The following PTPRO variants were observed in gnomAD, a reference collection of about 807,000 sequenced individuals.
PTPRO encodes receptor-type tyrosine-protein phosphatase O.
Under a neutral mutation model 145.2 loss-of-function variants are expected in PTPRO, and 62 were observed. The ratio of observed to expected loss-of-function variants is 0.43; its 90% confidence interval spans 0.35 to 0.53. The LOEUF (loss-of-function observed/expected upper bound fraction) is 0.53. PTPRO is among the 20% of genes least tolerant of loss of function. The pLI is 0.01. For synonymous variants in PTPRO, 565 were observed against 514.7 expected (o/e 1.10, Z -1.32); for missense variants, 1,345 against 1,482.7 (o/e 0.91, Z 1.53).
chr12:15,423,968 G>A (rs1940214797), intron 1 of PTPRO, among the ~76,000 whole-genome samples: 1 of 152,162 alleles, frequency 6.6e-6, no homozygotes, highest in Non-Finnish European at 1.5e-5. Flanking sequence ...AGGAGAGTCT[G>A]GTCATCAAAA....
intron 1 of PTPRO, among the ~76,000 whole-genome samples, chr12:15,411,648 T>C (rs1408047116): frequency 6.6e-6 from 1 of 152,240 alleles, no homozygotes; most frequent in Non-Finnish European, 1.5e-5. Context: ...TGAAGCTTCA[T>C]CTCAGATCTT....
intron 24 of PTPRO, among the ~76,000 whole-genome samples, chr12:15,587,927 G>A (rs1944464745): frequency 6.6e-6 from 1 of 152,178 alleles, no homozygotes; most frequent in Non-Finnish European, 1.5e-5. Context: ...CTAGAATGAG[G>A]AAGTATATGT....
intron 1 of PTPRO, among the ~76,000 whole-genome samples, chr12:15,344,232 T>C (rs989023593): frequency 1.3e-5 from 2 of 152,234 alleles, no homozygotes; most frequent in Non-Finnish European, 2.9e-5. Context: ...ACTGGAAATA[T>C]GCCACACTGT....
intron 1 of PTPRO, among the ~76,000 whole-genome samples, chr12:15,354,224 G>A (rs1054459482): frequency 1.3e-5 from 2 of 152,188 alleles, no homozygotes; most frequent in African/African-American, 4.8e-5. Flanking sequence ...TTCTTAAAAT[G>A]AGTCATCCAT....
chr12:15,499,300 A>G (rs1398848916), intron 3 of PTPRO, 142 bp from the exon 4 acceptor site: 2 of 842,680 alleles, frequency 2.4e-6, no homozygotes, highest in Non-Finnish European at 3.8e-6. Context: ...CTAGCCTTCT[A>G]CTAACTCTTT....
At chr12:15,560,893 G>A (rs1420911602) in intron 17 of PTPRO, among the ~76,000 whole-genome samples, 2 of 152,060 alleles carry the variant, frequency 1.3e-5, no homozygotes, top group Non-Finnish European at 2.9e-5. Context: ...CCAAACTCAG[G>A]TCTCTCTGAA....
intron 1 of PTPRO, among the ~76,000 whole-genome samples, chr12:15,361,238 C>T (rs924114708): frequency 2.6e-5 from 4 of 151,470 alleles, no homozygotes; most frequent in African/African-American, 9.7e-5. Context: ...GAGATCAAGA[C>T]CAGCCTGGCC....
At chr12:15,463,593 A>G (rs980632749) in intron 1 of PTPRO, among the ~76,000 whole-genome samples, 4 of 152,198 alleles carry the variant, frequency 2.6e-5, no homozygotes, top group African/African-American at 9.6e-5. Context: ...GATGCAAAAT[A>G]TCAGTCTTAT....
intron 23 of PTPRO, 52 bp downstream of exon 23, chr12:15,581,853 G>A: frequency 6.2e-7 from 1 of 1,611,822 alleles, no homozygotes. Flanking sequence ...CACCTGCTGA[G>A]ACCAGTTTGG....
intron 1 of PTPRO, among the ~76,000 whole-genome samples, chr12:15,468,218 A>T (rs1325703177): frequency 1.3e-5 from 2 of 152,254 alleles, no homozygotes; most frequent in East Asian, 1.9e-4. Context: ...TTCCAATAAA[A>T]CTTTCCACCC....
intron 2 of PTPRO, among the ~76,000 whole-genome samples, chr12:15,493,339 A>T (rs1160124632): frequency 1.3e-5 from 2 of 152,166 alleles, no homozygotes; most frequent in African/African-American, 4.8e-5. Flanking sequence ...GCTCTGAGTT[A>T]AAGAACTGTT....
At chr12:15,469,658 T>C (rs987648597) in intron 1 of PTPRO, among the ~76,000 whole-genome samples, 7 of 151,648 alleles carry the variant, frequency 4.6e-5, no homozygotes, top group African/African-American at 1.7e-4. Flanking sequence ...AAATACTGAC[T>C]GCTCTTGTTC....
chr12:15,376,603 A>T (rs1938695362), intron 1 of PTPRO, among the ~76,000 whole-genome samples: 1 of 152,190 alleles, frequency 6.6e-6, no homozygotes, highest in Non-Finnish European at 1.5e-5. Flanking sequence ...TGGCTTAAAC[A>T]ACAAGTATTT....
intron 1 of PTPRO, among the ~76,000 whole-genome samples, chr12:15,459,560 T>C (rs2136393803): frequency 6.6e-6 from 1 of 152,342 alleles, no homozygotes; most frequent in South Asian, 2.1e-4. Flanking sequence ...TGGTTTTTTG[T>C]TCACTTCAGA....
At chr12:15,427,022 T>C (rs1052188909) in intron 1 of PTPRO, among the ~76,000 whole-genome samples, 1 of 152,052 alleles carries the variant, frequency 6.6e-6, no homozygotes, top group Non-Finnish European at 1.5e-5. Context: ...GCGTAGCAGG[T>C]CAGAAAACTG....
intron 3 of PTPRO, 39 bp from the exon 4 acceptor site, chr12:15,499,403 A>G: frequency 6.3e-7 from 1 of 1,590,130 alleles, no homozygotes. Flanking sequence ...TGATGTTTAG[A>G]AGACCATATT....
At chr12:15,416,351 G>A (rs955652696) in intron 1 of PTPRO, among the ~76,000 whole-genome samples, 11 of 141,086 alleles carry the variant, frequency 7.8e-5, no homozygotes, top group Non-Finnish European at 1.4e-4. Context: ...ACAGAGTCTC[G>A]CTCTGTCGCC....
chr12:15,550,206 T>A (rs1943418067), intron 14 of PTPRO, among the ~76,000 whole-genome samples: 2 of 152,212 alleles, frequency 1.3e-5, no homozygotes, highest in Non-Finnish European at 2.9e-5. Context: ...TATGTTATAC[T>A]TATTATATAT....
intron 1 of PTPRO, among the ~76,000 whole-genome samples, chr12:15,388,305 T>TA (rs1204426212): frequency 6.6e-6 from 1 of 152,152 alleles, no homozygotes; most frequent in Non-Finnish European, 1.5e-5. Flanking sequence ...TTATTGCATA[T>TA]AAATTTTATA....
Sources: allele counts gnomAD v4.1 joint callset (sites outside exome capture counted in the v4.1 genomes callset), GRCh38; gene constraint gnomAD v4.1.1; transcripts MANE v1.5; gene names NCBI Gene and HGNC (gene_info 2026-07-23, HGNC 2026-07-21).